Variants in NALCN observed in about 807,000 individuals in gnomAD.
NALCN encodes the protein sodium leak channel, non-selective, also known as sodium leak channel NALCN.
NALCN carries 111 observed loss-of-function variants against 225.3 expected under a neutral mutation model. The observed-to-expected ratio is 0.49, with a 90% CI of 0.42 to 0.58. NALCN has a LOEUF of 0.58. Ranked by LOEUF, NALCN falls within the 20% of genes least tolerant of loss-of-function variation. The probability of loss-of-function intolerance (pLI) is 0.00; values close to 1 mark genes in which losing one functional copy is unlikely to be tolerated. For synonymous variants in NALCN, 764 were observed against 769.0 expected (o/e 0.99, Z 0.11); for missense variants, 1,378 against 2,202.4 (o/e 0.63, Z 7.49).
At chr13:101,304,557 G>C (rs1307503530) in intron 7 of NALCN, among the ~76,000 whole-genome samples, 2 of 151,908 alleles carry the variant, frequency 1.3e-5, no homozygotes, top group African/African-American at 4.8e-5. Flanking sequence ...GGGATTACAG[G>C]CGGATGAGGA....
At chr13:101,075,804 CAATT>C (rs2033214412) in intron 35 of NALCN, 65 bp downstream of exon 35, 2 of 1,339,136 alleles carry the variant, frequency 1.5e-6, no homozygotes, top group Non-Finnish European at 1.0e-6. Flanking sequence ...AGGCTGTAAT[CAATT>C]AATCACCATT....
chr13:101,274,947 A>G (rs1231733606), intron 10 of NALCN, among the ~76,000 whole-genome samples: 7 of 152,074 alleles, frequency 4.6e-5, no homozygotes, highest in African/African-American at 1.7e-4. Context: ...AGGGTGGTTG[A>G]GTAGTGGTTC....
intron 7 of NALCN, among the ~76,000 whole-genome samples, chr13:101,343,002 T>C (rs2045605944): frequency 6.6e-6 from 1 of 152,160 alleles, no homozygotes; most frequent in Non-Finnish European, 1.5e-5. Context: ...CTAACCATAA[T>C]TACTTACATA....
At chr13:101,145,029 C>A in intron 15 of NALCN, 133 bp from the exon 16 acceptor site, 1 of 907,002 alleles carries the variant, frequency 1.1e-6, no homozygotes, top group Non-Finnish European at 1.5e-6. Context: ...AAAGGCCTAC[C>A]AAGTATACCT....
At chr13:101,393,664 C>T (rs986489354) in intron 3 of NALCN, among the ~76,000 whole-genome samples, 1 of 151,754 alleles carries the variant, frequency 6.6e-6, no homozygotes, top group African/African-American at 2.4e-5. Flanking sequence ...AAAATTAGCC[C>T]GGGGTGGTGG....
In NALCN at chr13:101,233,809, G is replaced by A. The variant is rs1350628422; in HGVS notation, c.1434+3946C>T. Among the ~76,000 whole-genome samples, 11 of 152,216 alleles carry A rather than the reference G, an allele frequency of 7.2e-5. No homozygotes were observed. In the South Asian group the frequency reaches 1.5e-3, roughly 20 times the overall value. ...CCGACCCACAGGAAATTCACAAGACGCACCAGTCAATATCATCAGGATGAT... is the reference window on the plus strand; with the variant it reads ...CCGACCCACAGGAAATTCACAAGACACACCAGTCAATATCATCAGGATGAT... On this transcript the variant is annotated intron_variant, in intron 12 of 43. Coordinates refer to ENST00000251127, the MANE Select transcript of NALCN (RefSeq NM_052867.4).
chr13:101,311,651 C>T (rs2044350635), intron 7 of NALCN, among the ~76,000 whole-genome samples: 5 of 152,046 alleles, frequency 3.3e-5, no homozygotes, highest in Admixed American at 3.3e-4. Context: ...TGTTTATATG[C>T]TGGATTACAT....
At chr13:101,161,612 C>T (rs1056268704) in intron 15 of NALCN, among the ~76,000 whole-genome samples, 1 of 152,214 alleles carries the variant, frequency 6.6e-6, no homozygotes, top group African/African-American at 2.4e-5. Context: ...TGGCTCATGC[C>T]TGTAATCCCA....
chr13:101,340,039 G>A (rs951163982), intron 7 of NALCN, among the ~76,000 whole-genome samples: 8 of 151,992 alleles, frequency 5.3e-5, no homozygotes, highest in African/African-American at 1.7e-4. Context: ...AGGCCGAGGC[G>A]GGTGGATCAC....
At chr13:101,195,657 T>C (rs1289817162) in intron 13 of NALCN, among the ~76,000 whole-genome samples, 1 of 152,220 alleles carries the variant, frequency 6.6e-6, no homozygotes, top group Non-Finnish European at 1.5e-5. Flanking sequence ...GATTTCTTGA[T>C]TTATCCACTT....
chr13:101,288,405 CT>C (rs985710000), intron 9 of NALCN, among the ~76,000 whole-genome samples: 1 of 152,188 alleles, frequency 6.6e-6, no homozygotes, highest in African/African-American at 2.4e-5. Context: ...AGGAGAAATT[CT>C]TTCCATTTTG....
At chr13:101,341,153 TC>T (rs2139281515) in intron 7 of NALCN, among the ~76,000 whole-genome samples, 1 of 152,324 alleles carries the variant, frequency 6.6e-6, no homozygotes, top group East Asian at 1.9e-4. Context: ...ATTTTGTAAA[TC>T]CTACAGTTAC....
At chr13:101,274,168 T>C (rs2042899315) in intron 10 of NALCN, among the ~76,000 whole-genome samples, 1 of 152,214 alleles carries the variant, frequency 6.6e-6, no homozygotes, top group Admixed American at 6.5e-5. Flanking sequence ...CAGAAATTGC[T>C]GTCCTAGCTA....
At chr13:101,275,630 G>C (rs1054262576) in intron 10 of NALCN, among the ~76,000 whole-genome samples, 5 of 152,140 alleles carry the variant, frequency 3.3e-5, no homozygotes, top group African/African-American at 1.2e-4. Context: ...GGGTGTCTAT[G>C]CATCAGGTGA....
chr13:101,115,475 G>A lies in NALCN; in HGVS notation c.2193-4249C>T, dbSNP rs117735533. 4.3e-3 allele frequency among the ~76,000 whole-genome samples: 649 copies of A among 152,186 alleles called. 4 individuals are homozygous for A. The highest frequency in any genetic ancestry group is 7.7e-3 in the Non-Finnish European group (523 of 68,012). On this transcript the variant is annotated intron_variant, in intron 18 of 43. Transcript: ENST00000251127. ...TACAGGAATCTAATACTTGCAAGCC[G>A]AAATAGTGAGTAACTACAAAATTTG...
intron 6 of NALCN, among the ~76,000 whole-genome samples, chr13:101,364,131 G>T (rs2046321165): frequency 6.6e-6 from 1 of 152,036 alleles, no homozygotes; most frequent in South Asian, 2.1e-4. Flanking sequence ...TGGTGGTAAT[G>T]CAAATTCTGA....
At chr13:101,301,196 G>A (rs2043951031) in intron 7 of NALCN, among the ~76,000 whole-genome samples, 1 of 152,188 alleles carries the variant, frequency 6.6e-6, no homozygotes, top group Non-Finnish European at 1.5e-5. Context: ...GACATTGGCA[G>A]GAAAGTGTAG....
At chr13:101,147,459 C>T (rs2139808034) in intron 15 of NALCN, among the ~76,000 whole-genome samples, 1 of 151,538 alleles carries the variant, frequency 6.6e-6, no homozygotes, top group Middle Eastern at 3.4e-3. Context: ...GTTCAAGCCT[C>T]AGTTTCCTGA....
At chr13:101,073,380 C>T (rs986690626) in intron 37 of NALCN, among the ~76,000 whole-genome samples, 1 of 152,152 alleles carries the variant, frequency 6.6e-6, no homozygotes, top group Non-Finnish European at 1.5e-5. Flanking sequence ...ACTACAATAG[C>T]TCAAGTTGGG....
Sources: allele counts gnomAD v4.1 joint callset (sites outside exome capture counted in the v4.1 genomes callset), GRCh38; gene constraint gnomAD v4.1.1; transcripts MANE v1.5; gene names NCBI Gene and HGNC (gene_info 2026-07-23, HGNC 2026-07-21).